Variants in BCHE observed in about 807,000 individuals in gnomAD.
BCHE encodes butyrylcholinesterase.
A neutral mutation model predicts 51.3 loss-of-function variants in BCHE; 48 were observed. The ratio of observed to expected loss-of-function variants is 0.94; its 90% CI spans 0.74 to 1.19. The LOEUF is 1.19. Among genes scored for constraint, BCHE ranks in the 50% most tolerant of loss-of-function variants. The pLI is 0.00. For synonymous variants in BCHE, 251 were observed against 238.0 expected, an observed-to-expected ratio of 1.05 and a Z score of -0.50; for missense variants, 847 against 708.2, an observed-to-expected ratio of 1.20 and a Z score of -2.23.
intron 2 of BCHE, among the ~76,000 whole-genome samples, chr3:165,825,538 AC>A (rs1279115311): frequency 6.6e-6 from 1 of 152,086 alleles, no homozygotes; most frequent in Non-Finnish European, 1.5e-5. Context: ...TATTGAAAAT[AC>A]ATAGGATATG....
chr3:165,781,693 C>G (rs1474359690), intron 3 of BCHE, among the ~76,000 whole-genome samples: 1 of 152,084 alleles, frequency 6.6e-6, no homozygotes, highest in East Asian at 1.9e-4. Context: ...GCCGCCATGA[C>G]ACACGTATAC....
intron 3 of BCHE, chr3:165,778,632 C>T (rs75056632): frequency 0.018 from 8,236 of 448,084 alleles, 164 homozygotes; most frequent in African/African-American, 0.058. Flanking sequence ...TTCCATGGTC[C>T]TGGGCCCTGA....
At chr3:165,802,350 TA>T (rs1335746960) in intron 2 of BCHE, among the ~76,000 whole-genome samples, 1 of 152,142 alleles carries the variant, frequency 6.6e-6, no homozygotes, top group Non-Finnish European at 1.5e-5. Flanking sequence ...AAGATAAAAT[TA>T]AAAAATCACT....
rs1714871072 is a variant in BCHE, at chr3:165,829,675, G to C, written c.1359C>G (p.Ser453=). The change falls in exon 2 of 4, where the codon TCC becomes TCG. Residue 453 remains serine, a synonymous_variant. Transcript: ENST00000264381. ...NAFFYYFEHR[S]SKLPWPEWMG... ...TCCATTCTGGCCACGGAAGTTTGGA[G>C]GATCGGTGTTCAAAATAGTAGAAAA... is the stretch of plus-strand genomic sequence containing the variant. 1 of 1,613,730 alleles carries C rather than the reference G, an allele frequency of 6.2e-7. No individual in the cohort carries two copies. The highest frequency in any genetic ancestry group is 1.7e-5 in the Admixed American group (1 of 59,912).
chr3:165,775,941 CTCTT>C (rs1297186361), intron 3 of BCHE, among the ~76,000 whole-genome samples: 8 of 152,054 alleles, frequency 5.3e-5, no homozygotes, highest in South Asian at 2.1e-4. Flanking sequence ...TAGTCCGCCT[CTCTT>C]TCTTTGTCTT....
chr3:165,836,134 A>G (rs928090398), intron 1 of BCHE, among the ~76,000 whole-genome samples: 1 of 151,938 alleles, frequency 6.6e-6, no homozygotes, highest in Non-Finnish European at 1.5e-5. Context: ...GACAATACAA[A>G]CAAACAACAA....
At chr3:165,821,296 A>C (rs984484193) in intron 2 of BCHE, among the ~76,000 whole-genome samples, 5 of 151,910 alleles carry the variant, frequency 3.3e-5, no homozygotes, top group African/African-American at 1.2e-4. Flanking sequence ...ATTTGCACAA[A>C]TACTATATAA....
At chr3:165,829,040 C>T (rs1037082885) in intron 2 of BCHE, among the ~76,000 whole-genome samples, 1 of 152,000 alleles carries the variant, frequency 6.6e-6, no homozygotes, top group Admixed American at 6.6e-5. Context: ...AAACTGAGGG[C>T]CAACTGCATC....
intron 2 of BCHE, among the ~76,000 whole-genome samples, chr3:165,806,379 A>G (rs1473834858): frequency 6.6e-6 from 1 of 152,056 alleles, no homozygotes; most frequent in Non-Finnish European, 1.5e-5. Flanking sequence ...AGTTTCTCCT[A>G]TGTTGTATTT....
intron 2 of BCHE, among the ~76,000 whole-genome samples, chr3:165,800,958 A>AT (rs1417289749): frequency 2.0e-5 from 3 of 152,254 alleles, no homozygotes; most frequent in East Asian, 1.9e-4. Context: ...GGATAACCAA[A>AT]TTTTTTTAAT....
intron 2 of BCHE, among the ~76,000 whole-genome samples, chr3:165,792,378 A>C (rs1436222479): frequency 2.0e-5 from 3 of 152,218 alleles, no homozygotes; most frequent in African/African-American, 7.2e-5. Flanking sequence ...TTAAGAATAA[A>C]AAATCTTTGA....
chr3:165,800,782 C>T (rs541584035), intron 2 of BCHE, among the ~76,000 whole-genome samples: 19 of 151,998 alleles, frequency 1.3e-4, no homozygotes, highest in African/African-American at 4.3e-4. Flanking sequence ...AATTTTATTG[C>T]CTGACATGTG....
At chr3:165,836,966 A>G (rs1244653923) in intron 1 of BCHE, among the ~76,000 whole-genome samples, 3 of 152,202 alleles carry the variant, frequency 2.0e-5, no homozygotes, top group Non-Finnish European at 4.4e-5. Flanking sequence ...TCAATAAACA[A>G]TGCATTTAAG....
chr3:165,829,588 A>G lies in BCHE; in HGVS notation c.1446T>C (p.Asp482=). The change falls in exon 2 of 4, where the codon GAT becomes GAC. Residue 482 remains aspartate (D), a synonymous_variant. Transcript: ENST00000264381. ...AAATTTCCTCGGCTTTTGTGTAATTATCTCTTCTTTCCAGAGGTAAACCAA... is the reference window on the plus strand; with the variant it reads ...AAATTTCCTCGGCTTTTGTGTAATTGTCTCTTCTTTCCAGAGGTAAACCAA... ...FVFGLPLERR[D]NYTKAEEILS... The G allele has an allele frequency of 6.2e-7, 1 of 1,613,810 alleles. No individual in the cohort carries two copies. Among genetic ancestry groups the G allele is most frequent in the Non-Finnish European group, 8.5e-7 (1 of 1,179,864 alleles).
At chr3:165,824,675 A>G (rs989609591) in intron 2 of BCHE, among the ~76,000 whole-genome samples, 1 of 152,068 alleles carries the variant, frequency 6.6e-6, no homozygotes, top group Non-Finnish European at 1.5e-5. Context: ...ACCAAACTTT[A>G]TAAGTGAAAT....
At chr3:165,802,573 G>A (rs369550896) in intron 2 of BCHE, among the ~76,000 whole-genome samples, 14 of 151,666 alleles carry the variant, frequency 9.2e-5, no homozygotes, top group African/African-American at 3.4e-4. Context: ...TAAAGATCAA[G>A]CTGATAGAAT....
At position 165,830,338 on chromosome 3, in the gene BCHE, A is replaced by C; in HGVS notation, c.696T>G (p.Val232=). 6.2e-7 allele frequency: 1 copy of C among 1,613,966 alleles called. No individual in the cohort carries two copies. The highest frequency in any genetic ancestry group is 1.1e-5 in the South Asian group (1 of 91,084). Residue 232 remains valine, a synonymous_variant, in exon 2 of 4, where the codon GTT becomes GTG. Transcript: ENST00000264381. The stretch of plus-strand genomic sequence containing the variant: ...TTCCAGGAGAAAGCAAATGCAGGCT[A>C]ACTGAAGCTGCTCCTGCACTTTCTC... ...LFGESAGAAS[V]SLHLLSPGSH...
chr3:165,807,564 AT>A (rs1313467651), intron 2 of BCHE, among the ~76,000 whole-genome samples: 1 of 151,248 alleles, frequency 6.6e-6, no homozygotes, highest in Non-Finnish European at 1.5e-5. Flanking sequence ...TTATTTATTT[AT>A]TTTTCAGACA....
intron 1 of BCHE, among the ~76,000 whole-genome samples, chr3:165,832,301 A>G (rs1303759181): frequency 6.6e-6 from 1 of 152,080 alleles, no homozygotes; most frequent in Non-Finnish European, 1.5e-5. Flanking sequence ...AAATGAACTA[A>G]TGTCTCTTTT....
Sources: allele counts gnomAD v4.1 joint callset (sites outside exome capture counted in the v4.1 genomes callset), GRCh38; gene constraint gnomAD v4.1.1; transcripts MANE v1.5; gene names NCBI Gene and HGNC (gene_info 2026-07-23, HGNC 2026-07-21).